The following SPECC1 variants were observed in gnomAD, a reference collection of about 807,000 sequenced individuals.
SPECC1 encodes the protein cytospin-B.
In SPECC1, 62 loss-of-function variants were observed where a neutral mutation model predicts 104.1. The ratio of observed to expected loss-of-function variants is 0.60; its 90% CI spans 0.49 to 0.74. The LOEUF (loss-of-function observed/expected upper bound fraction) is 0.74, where lower values mean the gene tolerates loss of function less well. Ranked by LOEUF, SPECC1 falls within the 30% of genes least tolerant of loss-of-function variation. SPECC1 has a pLI of 0.00. For synonymous variants in SPECC1, 513 were observed against 501.6 expected, an observed-to-expected ratio of 1.02 and a Z score of -0.30; for missense variants, 1,306 against 1,310.5, an observed-to-expected ratio of 1.00 and a Z score of 0.05.
At chr17:20,083,913 A>C (rs2047076746) in intron 1 of SPECC1, among the ~76,000 whole-genome samples, 1 of 152,124 alleles carries the variant, frequency 6.6e-6, no homozygotes, top group Admixed American at 6.6e-5. Flanking sequence ...TTGTTTTTAA[A>C]TTTTTAGCCA....
At chr17:20,196,131 C>A (rs562411392) in intron 3 of SPECC1, among the ~76,000 whole-genome samples, 10 of 152,320 alleles carry the variant, frequency 6.6e-5, no homozygotes, top group African/African-American at 1.4e-4. Flanking sequence ...TAAAGCAATT[C>A]TTTAACCCTT....
chr17:20,116,361 T>C (rs1389155052), intron 3 of SPECC1, among the ~76,000 whole-genome samples: 1 of 152,200 alleles, frequency 6.6e-6, no homozygotes, highest in African/African-American at 2.4e-5. Context: ...GTGCTGGAAT[T>C]ACAGGCATGA....
chr17:20,281,930 A>T (rs2040783262), intron 12 of SPECC1, among the ~76,000 whole-genome samples: 1 of 152,204 alleles, frequency 6.6e-6, no homozygotes, highest in East Asian at 1.9e-4. Flanking sequence ...TGTTCTCAGG[A>T]CGCCAAGGAA....
At chr17:20,033,487 C>T (rs1012869424) in intron 1 of SPECC1, among the ~76,000 whole-genome samples, 1 of 152,102 alleles carries the variant, frequency 6.6e-6, no homozygotes, top group African/African-American at 2.4e-5. Context: ...TTATTGGGCT[C>T]ATGGTTTTGT....
chr17:20,032,199 T>C (rs1444828259), intron 1 of SPECC1, among the ~76,000 whole-genome samples: 1 of 152,188 alleles, frequency 6.6e-6, no homozygotes, highest in Non-Finnish European at 1.5e-5. Context: ...TTCAATATTT[T>C]CTCTGTTTTT....
chr17:20,142,041 G>A (rs2030872275), intron 3 of SPECC1, among the ~76,000 whole-genome samples: 1 of 152,098 alleles, frequency 6.6e-6, no homozygotes, highest in African/African-American at 2.4e-5. Context: ...TACAAATATT[G>A]TAGTGTCATG....
At chr17:20,154,392 G>C (rs922082353) in intron 3 of SPECC1, among the ~76,000 whole-genome samples, 2 of 152,152 alleles carry the variant, frequency 1.3e-5, no homozygotes, top group East Asian at 3.8e-4. Context: ...GAGACATAAG[G>C]TCTATGCAGT....
At chr17:20,109,847 G>C (rs2048395635) in intron 2 of SPECC1, among the ~76,000 whole-genome samples, 1 of 151,978 alleles carries the variant, frequency 6.6e-6, no homozygotes, top group African/African-American at 2.4e-5. Flanking sequence ...CAGGAGAGCA[G>C]ATTTATTTTT....
chr17:20,257,301 C>T (rs2039867018), intron 10 of SPECC1, 150 bp from the exon 11 acceptor site: 1 of 859,530 alleles, frequency 1.2e-6, no homozygotes, highest in Non-Finnish European at 1.7e-6. Context: ...GTAGAATCCA[C>T]ATCCCTATTG....
At chr17:20,012,416 T>C (rs1156950502) in intron 1 of SPECC1, among the ~76,000 whole-genome samples, 1 of 152,052 alleles carries the variant, frequency 6.6e-6, no homozygotes, top group African/African-American at 2.4e-5. Flanking sequence ...TATTTTTCTT[T>C]AAATGTTGTA....
intron 8 of SPECC1, 77 bp from the exon 9 acceptor site, chr17:20,247,142 A>T: frequency 1.7e-6 from 2 of 1,182,102 alleles, no homozygotes; most frequent in Non-Finnish European, 2.4e-6. Context: ...CAAAAAAAGT[A>T]ACAAGAAATC....
chr17:20,185,613 G>A (rs1307507981), intron 3 of SPECC1, among the ~76,000 whole-genome samples: 2 of 152,208 alleles, frequency 1.3e-5, no homozygotes, highest in Non-Finnish European at 2.9e-5. Context: ...GTTAAGTGAT[G>A]AGGTTATGGG....
At chr17:20,274,186 C>T (rs965133492) in intron 12 of SPECC1, among the ~76,000 whole-genome samples, 2 of 152,176 alleles carry the variant, frequency 1.3e-5, no homozygotes, top group Admixed American at 1.3e-4. Context: ...TCACTTATTT[C>T]ATCATCTCTC....
intron 12 of SPECC1, among the ~76,000 whole-genome samples, chr17:20,277,658 A>G (rs2040617604): frequency 6.6e-6 from 1 of 152,240 alleles, no homozygotes; most frequent in Non-Finnish European, 1.5e-5. Context: ...TTGTGCAACC[A>G]TCACTGCTTT....
At chr17:20,160,680 C>T (rs2033056538) in intron 3 of SPECC1, among the ~76,000 whole-genome samples, 1 of 152,004 alleles carries the variant, frequency 6.6e-6, no homozygotes, top group Admixed American at 6.5e-5. Context: ...ATATTCATTC[C>T]TCTACCCACC....
chr17:20,106,746 C>T (rs550954955), intron 2 of SPECC1, among the ~76,000 whole-genome samples: 84 of 152,258 alleles, frequency 5.5e-4, no homozygotes, highest in Non-Finnish European at 7.8e-4. Context: ...AACTGTGAGT[C>T]AACTAAACCT....
chr17:20,190,692 T>C (rs2035613435), intron 3 of SPECC1, among the ~76,000 whole-genome samples: 1 of 152,190 alleles, frequency 6.6e-6, no homozygotes, highest in Non-Finnish European at 1.5e-5. Flanking sequence ...TCTGTAGGTT[T>C]GGATAAATGT....
chr17:20,287,466 TTGAA>T (rs2040996633), intron 12 of SPECC1, among the ~76,000 whole-genome samples: 1 of 149,356 alleles, frequency 6.7e-6, no homozygotes, highest in South Asian at 2.1e-4. Flanking sequence ...TGACATGGCT[TTGAA>T]TGAACTGAGA....
rs71157863 is a variant in SPECC1 at position 20,270,433 on chromosome 17, C to CAAAAAA, written c.2940+10168_2940+10173dup. 5.0e-4 allele frequency among the ~76,000 whole-genome samples: 22 copies of CAAAAAA among 43,574 alleles called. 3 individuals are homozygous for CAAAAAA. Among genetic ancestry groups the CAAAAAA allele is most frequent in the Non-Finnish European group, 6.6e-4 (17 of 25,726 alleles). The allele number at this position is 43,574 out of a possible 152,430, so 28.6% of individuals were successfully genotyped here. A position where few individuals can be genotyped will look rare whatever the true frequency, so the allele number is the denominator to read the frequency against. On this transcript the variant is annotated intron_variant, in intron 12 of 14. Coordinates refer to ENST00000395527, the MANE Select transcript of SPECC1 (RefSeq NM_001243439.2). The stretch of plus-strand genomic sequence containing the variant: ...CAACATAGCAAGGCCCTGTCTTTAC[C>CAAAAAA]AAAAAAAAAAAAAAAAAAAAAAAAA...
Sources: allele counts gnomAD v4.1 joint callset (sites outside exome capture counted in the v4.1 genomes callset), GRCh38; gene constraint gnomAD v4.1.1; transcripts MANE v1.5; gene names NCBI Gene and HGNC (gene_info 2026-07-23, HGNC 2026-07-21).